The following COL5A1 variants were observed in gnomAD, a reference collection of about 807,000 sequenced individuals.
The protein encoded by COL5A1 is collagen type V alpha 1 chain.
Under a neutral mutation model 263.7 loss-of-function variants are expected in COL5A1, and 16 were observed. That is an observed-to-expected ratio of 0.06 (90% confidence interval 0.04 to 0.09). The LOEUF (loss-of-function observed/expected upper bound fraction) is 0.09, where lower values mean the gene tolerates loss of function less well. COL5A1 is among the 10% of genes least tolerant of loss of function. The pLI, the probability that COL5A1 is intolerant of heterozygous loss-of-function variation, is 1.00. For synonymous variants in COL5A1, 1,012 were observed against 1,004.5 expected (o/e 1.01, Z -0.14); for missense variants, 2,036 against 2,540.5 (o/e 0.80, Z 4.27).
At position 134,742,507 on chromosome 9, in the gene COL5A1, G is replaced by A. The variant is rs890445740; in HGVS notation, c.1494+3699G>A. Among the ~76,000 whole-genome samples, 1 of 152,156 alleles carries A rather than the reference G, an allele frequency of 6.6e-6. No individual in the cohort carries two copies. Among genetic ancestry groups the A allele is most frequent in the African/African-American group, 2.4e-5 (1 of 41,450 alleles). On this transcript the variant is annotated intron_variant, in intron 11 of 65. Coordinates refer to ENST00000371817, the MANE Select transcript of COL5A1 (RefSeq NM_000093.5). This position sits in a 1 kb window ranked among gnomAD's most constrained non-coding sequence, Gnocchi z 4.6. ...GGTGCACAGCTGGGGCAATGTGCCC[G>A]CAGGGAGATAGAGGTAGACCTGGGG...
At chr9:134,718,236 GACCCATCTTCCGTCGAACGTGGCCGCCA>G (rs1425512669) in intron 4 of COL5A1, among the ~76,000 whole-genome samples, 6 of 152,298 alleles carry the variant, frequency 3.9e-5, no homozygotes, top group East Asian at 3.9e-4. Context: ...CGTGGCCGCC[GACCCATCTTCCGTCGAACGTGGCCGCCA>G]ACTGTGCCGT....
chr9:134,765,629 G>A lies in COL5A1; in HGVS notation c.2035-52G>A, dbSNP rs185035998. On this transcript the variant is annotated intron_variant, in intron 20 of 65. Transcript: ENST00000371817. This position sits in a 1 kb window ranked among gnomAD's most constrained non-coding sequence, Gnocchi z 5.1. Reference sequence around the variant, plus strand: ...AAGTGGGCATAGGGGACAGAGAGGAGGGCTGGGATTTCTGCCCGAGTTTAA... The same window carrying A: ...AAGTGGGCATAGGGGACAGAGAGGAAGGCTGGGATTTCTGCCCGAGTTTAA... 5.2e-4 allele frequency: 802 copies of A among 1,533,132 alleles called. 8 individuals carry two copies. The Middle Eastern group carries it at 0.022, about 43-fold the overall frequency. 95.0% of individuals were successfully genotyped at this position (1,533,132 alleles called of 1,614,324 possible). A position where few individuals can be genotyped will look rare whatever the true frequency, so the allele number is the denominator to read the frequency against.
chr9:134,825,799 C>G lies in COL5A1; in HGVS notation c.4962C>G (p.Tyr1654Ter). 6.2e-7 allele frequency: 1 copy of G among 1,610,636 alleles called. No individual in the cohort carries two copies. Among genetic ancestry groups the G allele is most frequent in the Non-Finnish European group, 8.5e-7 (1 of 1,177,390 alleles). ...CCCGTCTCTGAAATCCAGGTGAATA[C>G]TGGGTCGATCCTAACCAAGGATGCT... ...LCHPDFPDGE[Y>*]WVDPNQGCSR... Residue 1654 changes from tyrosine to a stop codon, truncating the protein, a stop_gained, in exon 63 of 66, where the codon TAC (tyrosine) becomes TAG (stop). Coordinates refer to ENST00000371817, the MANE Select transcript of COL5A1 (RefSeq NM_000093.5). LOFTEE classifies it high-confidence loss of function.
At chr9:134,704,306 G>A (rs943476898) in intron 4 of COL5A1, among the ~76,000 whole-genome samples, 2 of 152,152 alleles carry the variant, frequency 1.3e-5, no homozygotes, top group African/African-American at 2.4e-5. Context: ...AGTTTTGTGT[G>A]TGTGGGAGGC....
At chr9:134,812,842 G>C (rs1472531213) in intron 48 of COL5A1, 130 bp downstream of exon 48, 1 of 733,260 alleles carries the variant, frequency 1.4e-6, no homozygotes, top group Non-Finnish European at 2.5e-6. Context: ...ATACACGTGT[G>C]TGTACCTCTC....
chr9:134,785,954 A>C, intron 30 of COL5A1, 41 bp from the exon 31 acceptor site: 55 of 1,569,152 alleles, frequency 3.5e-5, no homozygotes, highest in Non-Finnish European at 4.2e-5. Context: ...CGGATGGAGC[A>C]ATACCGTGCT....
At position 134,825,825 on chromosome 9, in the gene COL5A1, C is replaced by T; in HGVS notation, c.4988C>T (p.Ser1663Phe). Residue 1663 changes from serine to phenylalanine, a missense_variant, in exon 63 of 66, where the codon TCC becomes TTC. By Grantham distance (155) the Ser-to-Phe change is radical (BLOSUM62 -2). Transcript: ENST00000371817. ...TGGGTCGATCCTAACCAAGGATGCT[C>T]CAGGGATTCCTTCAAGGTTTACTGC... ...EYWVDPNQGCSRDSFKVYCNF... is the reference protein window; with the variant it reads ...EYWVDPNQGCFRDSFKVYCNF... 4 of 1,613,078 alleles carry T rather than the reference C, an allele frequency of 2.5e-6. No individual in the cohort carries two copies. The highest frequency in any genetic ancestry group is 1.7e-4 in the Middle Eastern group (1 of 6,060).
chr9:134,818,597 G>T lies in COL5A1; in HGVS notation c.4231-59G>T. The stretch of plus-strand genomic sequence containing the variant: ...CCAGGGTTTCCGAGCAGTGGTCCTG[G>T]GCCAGGGTGCCTGGAGCCTAGAGCT... On this transcript the variant is annotated intron_variant, in intron 54 of 65. Transcript: ENST00000371817. This position sits in a 1 kb window ranked among gnomAD's most constrained non-coding sequence, Gnocchi z 6.0. 1 of 1,317,252 alleles carries T rather than the reference G, an allele frequency of 7.6e-7. No homozygotes were observed. The highest frequency in any genetic ancestry group is 1.1e-6 in the Non-Finnish European group (1 of 930,340). The allele number at this position is 1,317,252 out of a possible 1,614,324, so 81.6% of individuals were successfully genotyped here.
At chr9:134,750,275 G>A (rs1835725953) in intron 11 of COL5A1, among the ~76,000 whole-genome samples, 1 of 152,104 alleles carries the variant, frequency 6.6e-6, no homozygotes, top group Admixed American at 6.5e-5. Context: ...ACGCCTGCTG[G>A]GTCTCTGGAT....
At chr9:134,802,083 C>A in intron 38 of COL5A1, 76 bp downstream of exon 38, 2 of 1,408,668 alleles carry the variant, frequency 1.4e-6, no homozygotes, top group Non-Finnish European at 2.0e-6. Context: ...CCAGCCCGGG[C>A]ATCTGTTCCC....
At chr9:134,797,567 C>T (rs1837958073) in intron 36 of COL5A1, among the ~76,000 whole-genome samples, 1 of 152,228 alleles carries the variant, frequency 6.6e-6, no homozygotes, top group African/African-American at 2.4e-5. Context: ...ACTGCAAACT[C>T]TGCCTCCTGG....
At chr9:134,811,469 C>T (rs1446789209) in intron 45 of COL5A1, 23 bp from the exon 46 acceptor site, 5 of 1,613,586 alleles carry the variant, frequency 3.1e-6, no homozygotes, top group Non-Finnish European at 4.2e-6. Context: ...CATCCTCACC[C>T]ATGGCCGGTT....
At chr9:134,783,534 C>T (rs529488134) in intron 29 of COL5A1, among the ~76,000 whole-genome samples, 4 of 152,296 alleles carry the variant, frequency 2.6e-5, no homozygotes, top group Admixed American at 1.3e-4. Flanking sequence ...GAACCGAAGA[C>T]GCCTCGGCCT....
At chr9:134,687,131 C>T (rs564228692) in intron 1 of COL5A1, among the ~76,000 whole-genome samples, 26 of 152,262 alleles carry the variant, frequency 1.7e-4, no homozygotes, top group African/African-American at 4.8e-4. Context: ...CCGTGGCATG[C>T]GTGGGGGTCT....
Position 134,642,581 on chromosome 9 carries a change from C to G in COL5A1, c.109+285C>G, listed in dbSNP as rs577058653. 2.5e-3 allele frequency among the ~76,000 whole-genome samples: 383 copies of G among 152,318 alleles called. 1 individual carries two copies. The highest frequency in any genetic ancestry group is 0.014 in the Middle Eastern group (4 of 294). Reference sequence around the variant, plus strand: ...CTGGATCAGCAGGAGGGGTTGTCCACGAGGCGGGCAAACTTTTGTCCCAAA... The same window carrying G: ...CTGGATCAGCAGGAGGGGTTGTCCAGGAGGCGGGCAAACTTTTGTCCCAAA... On this transcript the variant is annotated intron_variant, in intron 1 of 65. Transcript: ENST00000371817. This position sits in a 1 kb window ranked among gnomAD's most constrained non-coding sequence, Gnocchi z 4.5.
intron 11 of COL5A1, among the ~76,000 whole-genome samples, chr9:134,739,229 C>T (rs917917114): frequency 6.6e-6 from 1 of 152,232 alleles, no homozygotes; most frequent in African/African-American, 2.4e-5. Flanking sequence ...GGCTCACAGG[C>T]TCAGAGGCAT....
intron 4 of COL5A1, among the ~76,000 whole-genome samples, chr9:134,721,831 G>T (rs1834474820): frequency 6.6e-6 from 1 of 152,234 alleles, no homozygotes; most frequent in South Asian, 2.1e-4. Flanking sequence ...TCTGCCTGGG[G>T]TCCTGCAGAG....
intron 19 of COL5A1, 41 bp from the exon 20 acceptor site, chr9:134,763,652 A>G (rs768531669): frequency 1.2e-6 from 2 of 1,603,134 alleles, no homozygotes; most frequent in Admixed American, 1.7e-5. Flanking sequence ...GTCCAGGCTA[A>G]CAGCTCATTT....
chr9:134,714,330 A>G (rs1834170467), intron 4 of COL5A1, among the ~76,000 whole-genome samples: 1 of 149,708 alleles, frequency 6.7e-6, no homozygotes, highest in African/African-American at 2.5e-5. Flanking sequence ...GGTGATATTA[A>G]TGGTGAGTAT....
Sources: gnomAD v4.1 joint callset for allele counts (sites outside exome capture counted in the v4.1 genomes callset) on GRCh38, gnomAD v4.1.1 for gene constraint, Gnocchi (gnomAD v3.1) non-coding constraint, MANE v1.5 for transcripts, NCBI Gene and HGNC (gene_info 2026-07-23, HGNC 2026-07-21) for gene names.